SBF1: variants seen among roughly 807,000 people sequenced by gnomAD.
SBF1 encodes the protein SET binding factor 1.
A neutral mutation model predicts 215.8 loss-of-function variants in SBF1; 65 were observed. The observed-to-expected ratio is 0.30, with a 90% confidence interval of 0.25 to 0.37. The LOEUF (loss-of-function observed/expected upper bound fraction) is 0.37. Ranked by LOEUF, SBF1 falls within the 10% of genes least tolerant of loss-of-function variation. SBF1 has a pLI of 1.00. For synonymous variants in SBF1, 1,410 were observed against 1,122.8 expected (o/e 1.26, Z -5.11); for missense variants, 2,634 against 2,667.8 (o/e 0.99, Z 0.28).
chr22:50,471,657 G>C (rs1020787834), intron 1 of SBF1, among the ~76,000 whole-genome samples: 1 of 152,120 alleles, frequency 6.6e-6, no homozygotes, highest in African/African-American at 2.4e-5. Flanking sequence ...CATGCGCAGG[G>C]CCCCTGCAGC....
chr22:50,455,202 A>C (rs763349558), intron 33 of SBF1, 22 bp downstream of exon 33: 238 of 1,612,172 alleles, frequency 1.5e-4, no homozygotes, highest in Non-Finnish European at 1.9e-4. Flanking sequence ...GTCCCGGCCC[A>C]CCCACACAGC....
chr22:50,474,559 GCCCGGCCCCCGGC>G (rs1281689117), intron 1 of SBF1, among the ~76,000 whole-genome samples: 1 of 151,260 alleles, frequency 6.6e-6, no homozygotes, highest in African/African-American at 2.4e-5. Context: ...TTCAGTCCCC[GCCCGGCCCCCGGC>G]CCCGGCCCTC....
rs532002016 is a variant in SBF1 at position 50,461,336 on chromosome 22, G to C, written c.2840-50C>G. The C allele has an allele frequency of 6.9e-4, 1,070 of 1,555,362 alleles. 11 individuals are homozygous for C. The South Asian group carries it at 0.012, about 17-fold the overall frequency. On this transcript the variant is annotated intron_variant, in intron 22 of 40. Transcript: ENST00000380817. ...GAAGCAAGGAAGGTAAGGGGGGGGGGGTCCCAGAATCTCAGGGTACCACAG... is the reference window on the plus strand; with the variant it reads ...GAAGCAAGGAAGGTAAGGGGGGGGGCGTCCCAGAATCTCAGGGTACCACAG...
In SBF1 at chr22:50,467,213, A is replaced by G. The variant is rs1603434228; in HGVS notation, c.549+125T>C. ...GACTGTTGGGGGCAATGGTGGCACGAGGACGCAAGAGGGAGCATCCAAGGC... is the reference window on the plus strand; with the variant it reads ...GACTGTTGGGGGCAATGGTGGCACGGGGACGCAAGAGGGAGCATCCAAGGC... On this transcript the variant is annotated intron_variant, in intron 5 of 40. Coordinates refer to ENST00000380817, the MANE Select transcript of SBF1 (RefSeq NM_002972.4). The G allele has an allele frequency of 4.0e-6, 3 of 742,392 alleles. No individual in the cohort carries two copies. The East Asian group carries it at 7.9e-5, about 20-fold the overall frequency. The allele number at this position is 742,392 out of a possible 1,614,324, so 46.0% of individuals were successfully genotyped here.
At chr22:50,457,331 G>A (rs1388080488) in intron 28 of SBF1, 5 of 439,310 alleles carry the variant, frequency 1.1e-5, no homozygotes, top group Non-Finnish European at 2.0e-5. Context: ...CGTGGCAGCA[G>A]AAGGGCTATG....
At chr22:50,460,447 G>A in intron 24 of SBF1, 39 bp from the exon 25 acceptor site, 2 of 1,602,176 alleles carry the variant, frequency 1.2e-6, no homozygotes, top group East Asian at 2.2e-5. Context: ...AGAGGAGGAG[G>A]GACAAAGATG....
rs758815754 is a variant in SBF1 at position 50,465,788 on chromosome 22, G to A, written c.1064C>T (p.Thr355Ile). The change falls in exon 10 of 41, where the codon ACA (threonine) becomes ATA (isoleucine). Residue 355 changes from threonine to isoleucine, a missense_variant. Coordinates refer to ENST00000380817, the MANE Select transcript of SBF1 (RefSeq NM_002972.4). ...LADLAFPPPT[T>I]STSSLKMQDK... is the part of the protein sequence containing the mutation. ...CTGCATCTTCAGGGAGGAGGTGGATGTCGTGGGCGGAGGGAAGGCGAGGTC... is the reference window on the plus strand; with the variant it reads ...CTGCATCTTCAGGGAGGAGGTGGATATCGTGGGCGGAGGGAAGGCGAGGTC... 6.8e-6 allele frequency: 11 copies of A among 1,609,884 alleles called. No individual in the cohort carries two copies. Among genetic ancestry groups the A allele is most frequent in the South Asian group, 5.5e-5 (5 of 90,518 alleles).
chr22:50,460,911 G>A (rs1159865679), intron 23 of SBF1, among the ~76,000 whole-genome samples, 199 bp from the exon 24 acceptor site: 1 of 152,188 alleles, frequency 6.6e-6, no homozygotes, highest in Non-Finnish European at 1.5e-5. Context: ...CTGAGGCCTG[G>A]GTTTGCAAGG....
At chr22:50,456,422 G>A (rs2067248832) in intron 30 of SBF1, 27 bp from the exon 31 acceptor site, 1 of 1,606,652 alleles carries the variant, frequency 6.2e-7, no homozygotes, top group Non-Finnish European at 8.5e-7. Flanking sequence ...CAAGTCCCGT[G>A]AGACACATGA....
rs758688122 is a variant in SBF1 at position 50,456,363 on chromosome 22, C to T, written c.4119G>A (p.Glu1373=). Reference sequence around the variant, plus strand: ...CCTCGAATACCTCAATGGGCACCAGCTCCCACTGCTGCAGGGGGTCTGACC... The same window carrying T: ...CCTCGAATACCTCAATGGGCACCAGTTCCCACTGCTGCAGGGGGTCTGACC... The part of the protein sequence containing the change: ...GVRSDPLQQW[E]LVPIEVFEAR... The change falls in exon 31 of 41, where the codon GAG becomes GAA. Residue 1373 remains glutamate (E), a synonymous_variant. Coordinates refer to ENST00000380817, the MANE Select transcript of SBF1 (RefSeq NM_002972.4). 6.2e-7 allele frequency: 1 copy of T among 1,613,258 alleles called. No individual in the cohort carries two copies. Among genetic ancestry groups the T allele is most frequent in the Admixed American group, 1.7e-5 (1 of 60,026 alleles).
At chr22:50,466,814 C>CACCTCGGGTCTGTCA in intron 5 of SBF1, 104 bp from the exon 6 acceptor site, 1 of 766,754 alleles carries the variant, frequency 1.3e-6, no homozygotes, top group Non-Finnish European at 2.1e-6. Flanking sequence ...CTGACAGACC[C>CACCTCGGGTCTGTCA]GAGGTGGGAC....
At chr22:50,465,541 A>T (rs1442940482) in intron 10 of SBF1, among the ~76,000 whole-genome samples, 1 of 152,140 alleles carries the variant, frequency 6.6e-6, no homozygotes, top group Non-Finnish European at 1.5e-5. Flanking sequence ...CTGTGATCAG[A>T]CGCCAAGTTC....
Position 50,459,813 on chromosome 22 carries a change from C to A in SBF1, c.3491+139G>T, listed in dbSNP as rs1028743601. 4 of 1,333,146 alleles carry A rather than the reference C, an allele frequency of 3.0e-6. No individual in the cohort carries two copies. The African/African-American group carries it at 5.8e-5, about 19-fold the overall frequency. The allele number at this position is 1,333,146 out of a possible 1,614,324, so 82.6% of individuals were successfully genotyped here. On this transcript the variant is annotated intron_variant, in intron 26 of 40. Coordinates refer to ENST00000380817, the MANE Select transcript of SBF1 (RefSeq NM_002972.4). ...CGGGGCCCCCCAGCCACCCCCCAGC[C>A]CTGTGGCCCGTCCCTCTGCCCGGAG... is the stretch of plus-strand genomic sequence containing the variant.
intron 10 of SBF1, 55 bp downstream of exon 10, chr22:50,465,708 G>T: frequency 6.7e-7 from 1 of 1,499,808 alleles, no homozygotes; most frequent in Non-Finnish European, 9.0e-7. Context: ...GCAGACCTGA[G>T]TGGGGGCAGC....
At position 50,474,931 on chromosome 22, in the gene SBF1, T is replaced by C. The variant is rs1436185125; in HGVS notation, c.-91A>G. ...CGCGCTCATGGCCCGGCCCCGGCCC[T>C]GGACCGCGCACCCCGGACACCCCTG... On this transcript the variant is annotated 5_prime_UTR_variant, in exon 1 of 41. Coordinates refer to ENST00000380817, the MANE Select transcript of SBF1 (RefSeq NM_002972.4). 6.3e-6 allele frequency: 6 copies of C among 949,790 alleles called. No homozygotes were observed. The highest frequency in any genetic ancestry group is 8.2e-6 in the Non-Finnish European group (6 of 730,714). The allele number at this position is 949,790 out of a possible 1,614,324, so 58.8% of individuals were successfully genotyped here.
At chr22:50,448,094 A>AC in intron 38 of SBF1, 139 bp downstream of exon 38, 1 of 758,930 alleles carries the variant, frequency 1.3e-6, no homozygotes, top group South Asian at 1.7e-5. Context: ...CCAGTTCGAC[A>AC]CCCCAAACCC....
rs550152887 is a variant in SBF1, at chr22:50,447,175, C to T, written c.5649G>A (p.Val1883=). ...CCGACAGGCAGCTCTGGATCCGGTC[C>T]ACCCACTGCTGGGCCGAGGGCACGT... ...AQDVPSAQQW[V]DRIQSCLSDA is the part of the protein sequence containing the mutation. The change falls in exon 41 of 41, where the codon GTG becomes GTA. Residue 1883 remains valine, a synonymous_variant. Coordinates refer to ENST00000380817, the MANE Select transcript of SBF1 (RefSeq NM_002972.4). 5.6e-6 allele frequency: 9 copies of T among 1,613,346 alleles called. 1 individual carries two copies. The South Asian group carries it at 9.9e-5, about 18-fold the overall frequency.
At position 50,455,289 on chromosome 22, in the gene SBF1, T is replaced by C. The variant is rs751459252; in HGVS notation, c.4489A>G (p.Thr1497Ala). 2.7e-5 allele frequency: 44 copies of C among 1,613,280 alleles called. No homozygotes were observed. The highest frequency in any genetic ancestry group is 3.3e-5 in the Non-Finnish European group (39 of 1,179,902). ...GHRFSHRGAH[T>A]LAGQSSGFTP... ...AAGCCGCTGCTCTGCCCGGCCAGGG[T>C]GTGAGCTCCACGGTGGCTGAAGCGA... The change falls in exon 33 of 41, where the codon ACC becomes GCC. Residue 1497 changes from threonine to alanine, a missense_variant. By Grantham distance (58) the Thr-to-Ala change is moderately conservative. Transcript: ENST00000380817.
chr22:50,456,697 C>A (rs1253382614), intron 29 of SBF1, 24 bp from the exon 30 acceptor site: 1 of 1,452,066 alleles, frequency 6.9e-7, no homozygotes, highest in Non-Finnish European at 9.1e-7. Flanking sequence ...GCCAGGTAAG[C>A]ACCCAAAGGG....
Sources: gnomAD v4.1 joint callset for allele counts (sites outside exome capture counted in the v4.1 genomes callset) on GRCh38, gnomAD v4.1.1 for gene constraint, MANE v1.5 for transcripts, NCBI Gene and HGNC (gene_info 2026-07-23, HGNC 2026-07-21) for gene names.